Variants in SENP7 observed in about 807,000 individuals in gnomAD.
SENP7 encodes the protein sentrin-specific protease 7.
In SENP7, 64 loss-of-function variants were observed where a neutral mutation model predicts 141.2. The ratio of observed to expected loss-of-function variants is 0.45; its 90% confidence interval spans 0.37 to 0.56. The LOEUF is 0.56. Among genes scored for constraint, SENP7 ranks in the 20% least tolerant of loss-of-function variants. SENP7 has a pLI of 0.00. For missense variants in SENP7, 1,025 were observed against 1,212.2 expected, an observed-to-expected ratio of 0.85 and a Z score of 2.29; for synonymous variants, 382 against 426.4, an observed-to-expected ratio of 0.90 and a Z score of 1.28.
intron 2 of SENP7, 77 bp from the exon 3 acceptor site, chr3:101,494,045 C>T (rs3846088): frequency 0.42 from 335,315 of 789,744 alleles, 73,563 homozygotes; most frequent in Admixed American, 0.62. Flanking sequence ...AACCACTATA[C>T]TACCCTGCAT....
intron 5 of SENP7, among the ~76,000 whole-genome samples, chr3:101,405,364 C>G (rs1254880687): frequency 6.6e-6 from 1 of 152,168 alleles, no homozygotes; most frequent in Non-Finnish European, 1.5e-5. Context: ...CAGGAAGCCA[C>G]ATCCATAGGA....
intron 4 of SENP7, among the ~76,000 whole-genome samples, chr3:101,455,536 T>C (rs1454027380): frequency 6.6e-6 from 1 of 152,018 alleles, no homozygotes. Flanking sequence ...CATAATTTGA[T>C]TTAAAAAAAA....
chr3:101,496,564 A>G (rs2065165062), intron 2 of SENP7, among the ~76,000 whole-genome samples: 1 of 141,650 alleles, frequency 7.1e-6, no homozygotes, highest in African/African-American at 2.7e-5. Context: ...ACACCCAGCC[A>G]AACACTTCAA....
intron 1 of SENP7, among the ~76,000 whole-genome samples, chr3:101,507,902 A>G (rs2065687886): frequency 6.6e-6 from 1 of 151,960 alleles, no homozygotes; most frequent in Non-Finnish European, 1.5e-5. Context: ...TACAAAAATT[A>G]GCTGGGCATG....
At chr3:101,392,977 C>T (rs946417282) in intron 6 of SENP7, among the ~76,000 whole-genome samples, 2 of 151,968 alleles carry the variant, frequency 1.3e-5, no homozygotes, top group African/African-American at 2.4e-5. Flanking sequence ...AGCAAGACCC[C>T]ATCTCTTTAA....
At chr3:101,390,689 A>C (rs2060794176) in intron 6 of SENP7, among the ~76,000 whole-genome samples, 1 of 152,228 alleles carries the variant, frequency 6.6e-6, no homozygotes, top group Admixed American at 6.5e-5. Context: ...CAGTGGACAG[A>C]TCATCAAGAC....
intron 13 of SENP7, among the ~76,000 whole-genome samples, chr3:101,346,277 T>C (rs1003612214): frequency 6.6e-6 from 1 of 152,170 alleles, no homozygotes; most frequent in Non-Finnish European, 1.5e-5. Context: ...TTGGTGTGGA[T>C]ACAGTGAAAA....
In SENP7 at chr3:101,325,261, C is replaced by G. The variant is rs1204456092; in HGVS notation, c.*682G>C. On this transcript the variant is annotated 3_prime_UTR_variant, in exon 24 of 24. Coordinates refer to ENST00000394095, the MANE Select transcript of SENP7 (RefSeq NM_020654.5). ...TCAAATTTTACCCTGAACAAATGAA[C>G]TAAATTATAAGATACTCACATATGA... The G allele has an allele frequency of 2.0e-5, 3 of 149,668 alleles. No homozygotes were observed. The highest frequency in any genetic ancestry group is 7.4e-5 in the African/African-American group (3 of 40,558). 9.3% of individuals were successfully genotyped at this position (149,668 alleles called of 1,614,324 possible). A position where few individuals can be genotyped will look rare whatever the true frequency, so the allele number is the denominator to read the frequency against.
At position 101,414,602 on chromosome 3, in the gene SENP7, T is replaced by G; in HGVS notation, c.482+2991A>C. On this transcript the variant is annotated intron_variant, in intron 5 of 23. Coordinates refer to ENST00000394095, the MANE Select transcript of SENP7 (RefSeq NM_020654.5). ...CTCATCCCAACTATGACCAAGAAGA[T>G]GAAGGAAGCTCTCTTAGCCATTGGG... 5.4e-6 allele frequency: 8 copies of G among 1,475,712 alleles called. No homozygotes were observed. In the South Asian group the frequency reaches 8.3e-5, roughly 15 times the overall value. The allele number at this position is 1,475,712 out of a possible 1,614,324, so 91.4% of individuals were successfully genotyped here.
chr3:101,361,644 A>G lies in SENP7; in HGVS notation c.1623+71T>C, dbSNP rs956602790. 2.1e-6 allele frequency: 3 copies of G among 1,416,080 alleles called. No individual in the cohort carries two copies. In the African/African-American group the frequency reaches 4.4e-5, roughly 21 times the overall value. The allele number at this position is 1,416,080 out of a possible 1,614,324, so 87.7% of individuals were successfully genotyped here. On this transcript the variant is annotated intron_variant, in intron 11 of 23. Transcript: ENST00000394095. ...ATTCTATTCTTATTTGTGCTAAGAA[A>G]AAAAAGGAAAAAAATTAAAATGCCT...
At chr3:101,375,101 T>A (rs548566369) in intron 6 of SENP7, among the ~76,000 whole-genome samples, 6 of 152,158 alleles carry the variant, frequency 3.9e-5, no homozygotes, top group African/African-American at 1.4e-4. Context: ...AAAAAAAATT[T>A]TTTTTTCATT....
At chr3:101,389,508 C>T (rs1296208843) in intron 6 of SENP7, among the ~76,000 whole-genome samples, 1 of 151,430 alleles carries the variant, frequency 6.6e-6, no homozygotes, top group Non-Finnish European at 1.5e-5. Context: ...ATTCAAAGTA[C>T]TAAAAGAAAA....
At position 101,324,680 on chromosome 3, in the gene SENP7, T is replaced by C. The variant is rs2058856573; in HGVS notation, c.*1263A>G. The C allele has an allele frequency of 6.6e-6, 1 of 152,056 alleles. No individual in the cohort carries two copies. The highest frequency in any genetic ancestry group is 2.1e-4 in the South Asian group (1 of 4,834). 9.4% of individuals were successfully genotyped at this position (152,056 alleles called of 1,614,324 possible). On this transcript the variant is annotated 3_prime_UTR_variant, in exon 24 of 24. Coordinates refer to ENST00000394095, the MANE Select transcript of SENP7 (RefSeq NM_020654.5). The stretch of plus-strand genomic sequence containing the variant: ...AAATAAAATGTTCAGACTTTCTAGC[T>C]TTATCTTAATTTGCCTTTGCTTCAC...
At chr3:101,380,445 C>CAAACACA (rs1553707804) in intron 6 of SENP7, among the ~76,000 whole-genome samples, 1 of 128,826 alleles carries the variant, frequency 7.8e-6, no homozygotes, top group Admixed American at 8.0e-5. Flanking sequence ...GCCCCCCCCC[C>CAAACACA]CACACACACA....
At chr3:101,422,030 G>A (rs2061804996) in intron 4 of SENP7, among the ~76,000 whole-genome samples, 1 of 152,194 alleles carries the variant, frequency 6.6e-6, no homozygotes, top group African/African-American at 2.4e-5. Context: ...TAGGAACTGG[G>A]CCACACAGCA....
chr3:101,510,590 C>T (rs569046120), intron 1 of SENP7, among the ~76,000 whole-genome samples: 7 of 152,204 alleles, frequency 4.6e-5, no homozygotes, highest in African/African-American at 1.4e-4. Flanking sequence ...CGGTGGCTCA[C>T]GCCTGTAATT....
chr3:101,476,025 G>C (rs770633053), intron 3 of SENP7, among the ~76,000 whole-genome samples: 6 of 152,058 alleles, frequency 3.9e-5, no homozygotes, highest in Non-Finnish European at 8.8e-5. Flanking sequence ...TCATCCACCA[G>C]CTACAGATTA....
At chr3:101,389,957 T>C (rs2060764261) in intron 6 of SENP7, among the ~76,000 whole-genome samples, 1 of 152,132 alleles carries the variant, frequency 6.6e-6, no homozygotes, top group African/African-American at 2.4e-5. Context: ...CAGTGGCTCA[T>C]GCTTGTAATC....
rs537527407 is a variant in SENP7 at position 101,468,240 on chromosome 3, C to A, written c.187-9188G>T. Among the ~76,000 whole-genome samples the A allele has an allele frequency of 2.6e-5, 4 of 152,264 alleles. No homozygotes were observed. The South Asian group carries it at 8.3e-4, about 32-fold the overall frequency. ...ACCAAATCTACATTTGATTGCTGTACCTGAAAGTGATGGAGAGAATGTAAC... is the reference window on the plus strand; with the variant it reads ...ACCAAATCTACATTTGATTGCTGTAACTGAAAGTGATGGAGAGAATGTAAC... On this transcript the variant is annotated intron_variant, in intron 3 of 23. Transcript: ENST00000394095.
Sources: allele counts gnomAD v4.1 joint callset (sites outside exome capture counted in the v4.1 genomes callset), GRCh38; gene constraint gnomAD v4.1.1; transcripts MANE v1.5; gene names NCBI Gene and HGNC (gene_info 2026-07-23, HGNC 2026-07-21).